ST7: variants seen among roughly 807,000 people sequenced by gnomAD.
The protein encoded by ST7 is suppressor of tumorigenicity 7 protein.
Under a neutral mutation model 78.7 loss-of-function variants are expected in ST7, and 28 were observed. That is an observed-to-expected ratio of 0.36 (90% confidence interval 0.26 to 0.49). The LOEUF (loss-of-function observed/expected upper bound fraction) is 0.49. Among genes scored for constraint, ST7 ranks in the 20% least tolerant of loss-of-function variants. The pLI is 0.99. For synonymous variants in ST7, 247 were observed against 249.6 expected, an observed-to-expected ratio of 0.99 and a Z score of 0.10; for missense variants, 418 against 696.0, an observed-to-expected ratio of 0.60 and a Z score of 4.49.
Position 117,179,179 on chromosome 7 carries a change from A to G in ST7, c.1078+8203A>G, listed in dbSNP as rs563601037. Among the ~76,000 whole-genome samples the G allele has an allele frequency of 7.2e-5, 11 of 152,322 alleles. No homozygotes were observed. The South Asian group carries it at 1.5e-3, about 20-fold the overall frequency. Reference sequence around the variant, plus strand: ...AGAAATAACAAGTTTCTGATTCCCTATTAGAACGTACAACACTGATCAATT... The same window carrying G: ...AGAAATAACAAGTTTCTGATTCCCTGTTAGAACGTACAACACTGATCAATT... On this transcript the variant is annotated intron_variant, in intron 10 of 15. Coordinates refer to ENST00000323984, the MANE Select transcript of ST7 (RefSeq NM_001369598.1).
chr7:117,117,937 T>G (rs1383273496), intron 2 of ST7: 1 of 152,342 alleles, frequency 6.6e-6, no homozygotes, highest in East Asian at 1.9e-4. Flanking sequence ...CCATGGTGTG[T>G]AAATTTATCA....
At chr7:116,979,011 A>G (rs1348445539) in intron 1 of ST7, among the ~76,000 whole-genome samples, 1 of 152,222 alleles carries the variant, frequency 6.6e-6, no homozygotes, top group African/African-American at 2.4e-5. Flanking sequence ...CCCTGGAGTA[A>G]GCAGCAGAAG....
chr7:116,954,086 G>A (rs1792304813), intron 1 of ST7: 1 of 151,910 alleles, frequency 6.6e-6, no homozygotes, highest in Admixed American at 6.6e-5. Context: ...GTTAGACCGA[G>A]TCCTTCCTCA....
intron 10 of ST7, among the ~76,000 whole-genome samples, chr7:117,176,758 A>G: frequency 6.6e-6 from 1 of 152,228 alleles, no homozygotes; most frequent in Non-Finnish European, 1.5e-5. Flanking sequence ...TTCAAGTGTC[A>G]GTATGTCCAT....
chr7:117,051,305 C>T (rs969002615), intron 1 of ST7, among the ~76,000 whole-genome samples: 1 of 152,202 alleles, frequency 6.6e-6, no homozygotes, highest in Non-Finnish European at 1.5e-5. Flanking sequence ...GCTAATTGGT[C>T]TCTTAACACA....
chr7:117,038,326 G>A (rs933640543), intron 1 of ST7, among the ~76,000 whole-genome samples: 1 of 152,112 alleles, frequency 6.6e-6, no homozygotes, highest in Non-Finnish European at 1.5e-5. Context: ...TTAATGCTAG[G>A]GTGAGAGCTA....
At chr7:117,040,797 A>G (rs1797176154) in intron 1 of ST7, among the ~76,000 whole-genome samples, 2 of 152,242 alleles carry the variant, frequency 1.3e-5, no homozygotes, top group South Asian at 2.1e-4. Flanking sequence ...AAAATAATCT[A>G]TGCAATAATG....
chr7:117,022,469 G>A (rs1013948115), intron 1 of ST7, among the ~76,000 whole-genome samples: 3 of 152,160 alleles, frequency 2.0e-5, no homozygotes, highest in African/African-American at 7.2e-5. Context: ...CCCTAAGTCT[G>A]CATTCAGTGT....
chr7:117,073,237 A>G (rs1399689448), intron 1 of ST7: 1 of 152,206 alleles, frequency 6.6e-6, no homozygotes, highest in East Asian at 1.9e-4. Flanking sequence ...GCCTCTACAC[A>G]ATCTAGTACT....
At chr7:117,186,140 CAT>C (rs1462723319) in intron 10 of ST7, among the ~76,000 whole-genome samples, 1 of 152,186 alleles carries the variant, frequency 6.6e-6, no homozygotes, top group Admixed American at 6.5e-5. Flanking sequence ...CACAATATCA[CAT>C]GATTCATTCT....
intron 1 of ST7, among the ~76,000 whole-genome samples, chr7:117,027,564 T>C (rs969838091): frequency 2.1e-5 from 3 of 146,038 alleles, no homozygotes; most frequent in African/African-American, 7.6e-5. Flanking sequence ...AAGTTAAGAA[T>C]CTTAAGTGTT....
chr7:117,089,566 G>T lies in ST7; in HGVS notation c.152-10196G>T, dbSNP rs960381231. On this transcript the variant is annotated intron_variant, in intron 1 of 15. Transcript: ENST00000323984. ...AGAGCACTTCAACAGTTTGTTTTTTGTTTTTTTGTTTTTTTTTTTTTTTGA... is the reference window on the plus strand; with the variant it reads ...AGAGCACTTCAACAGTTTGTTTTTTTTTTTTTTGTTTTTTTTTTTTTTTGA... Among the ~76,000 whole-genome samples the T allele has an allele frequency of 3.1e-3, 456 of 148,438 alleles. 1 individual carries two copies. Among genetic ancestry groups the T allele is most frequent in the African/African-American group, 9.9e-3 (401 of 40,568 alleles).
At chr7:117,194,673 A>G (rs1458634041) in intron 12 of ST7, among the ~76,000 whole-genome samples, 2 of 152,206 alleles carry the variant, frequency 1.3e-5, no homozygotes, top group Non-Finnish European at 2.9e-5. Flanking sequence ...GTAATGCTGG[A>G]CAAACAAAGG....
chr7:117,055,985 A>G (rs1034667762), intron 1 of ST7, among the ~76,000 whole-genome samples: 1 of 152,174 alleles, frequency 6.6e-6, no homozygotes, highest in African/African-American at 2.4e-5. Flanking sequence ...TGAGGGCAGG[A>G]AGCATCCAGC....
chr7:117,189,582 G>A (rs1165306319), intron 11 of ST7, among the ~76,000 whole-genome samples, 189 bp downstream of exon 11: 1 of 152,130 alleles, frequency 6.6e-6, no homozygotes, highest in African/African-American at 2.4e-5. Flanking sequence ...GTAATGTAAG[G>A]GTGTGTAAAG....
At chr7:117,150,246 G>A (rs1014760371) in intron 9 of ST7, among the ~76,000 whole-genome samples, 2 of 152,088 alleles carry the variant, frequency 1.3e-5, no homozygotes, top group African/African-American at 2.4e-5. Context: ...GCCTTCAAGT[G>A]CTGAGGTCCT....
chr7:117,080,530 G>A (rs1466645571), intron 1 of ST7, among the ~76,000 whole-genome samples: 1 of 151,822 alleles, frequency 6.6e-6, no homozygotes, highest in Non-Finnish European at 1.5e-5. Context: ...TATTTTTGCT[G>A]AATATCCTTG....
At chr7:116,963,984 T>C (rs1792970219) in intron 1 of ST7, among the ~76,000 whole-genome samples, 1 of 152,160 alleles carries the variant, frequency 6.6e-6, no homozygotes, top group Non-Finnish European at 1.5e-5. Context: ...AGCAAGGTTG[T>C]AGAGCGTTAA....
At chr7:117,100,805 T>C (rs1055527119) in intron 2 of ST7, among the ~76,000 whole-genome samples, 5 of 152,182 alleles carry the variant, frequency 3.3e-5, no homozygotes, top group African/African-American at 1.2e-4. Flanking sequence ...TCAGTGGGAC[T>C]ACTCTAATAG....
Sources: allele counts gnomAD v4.1 joint callset (sites outside exome capture counted in the v4.1 genomes callset), GRCh38; gene constraint gnomAD v4.1.1; transcripts MANE v1.5; gene names NCBI Gene and HGNC (gene_info 2026-07-23, HGNC 2026-07-21).